TEX9: variants seen among roughly 807,000 people sequenced by gnomAD.
TEX9 encodes the protein testis-expressed protein 9.
In TEX9, 74 loss-of-function variants were observed where a neutral mutation model predicts 59.6. The ratio of observed to expected loss-of-function variants is 1.24; its 90% CI spans 1.03 to 1.51. The LOEUF (loss-of-function observed/expected upper bound fraction) is 1.51. Among genes scored for constraint, TEX9 ranks in the 40% most tolerant of loss-of-function variants. The pLI is 0.00. For missense variants in TEX9, 522 were observed against 447.8 expected (o/e 1.17, Z -1.49); for synonymous variants, 186 against 152.2 (o/e 1.22, Z -1.64).
At chr15:56,350,853 T>C (rs2046565055) in intron 1 of TEX9, among the ~76,000 whole-genome samples, 1 of 152,176 alleles carries the variant, frequency 6.6e-6, no homozygotes, top group Non-Finnish European at 1.5e-5. Flanking sequence ...AACTGAGAGG[T>C]AGCTGAAGCC....
chr15:56,414,163 A>C (rs2049546041), intron 10 of TEX9, among the ~76,000 whole-genome samples: 1 of 151,888 alleles, frequency 6.6e-6, no homozygotes. Flanking sequence ...ATATTGTATT[A>C]GTTCACATAT....
At chr15:56,276,427 T>C (rs2044670195) in intron 1 of TEX9, among the ~76,000 whole-genome samples, 1 of 152,128 alleles carries the variant, frequency 6.6e-6, no homozygotes, top group African/African-American at 2.4e-5. Flanking sequence ...GAACATGCAG[T>C]GTTTGGTTTT....
At chr15:56,320,666 G>C (rs2045881991) in intron 1 of TEX9, among the ~76,000 whole-genome samples, 1 of 152,204 alleles carries the variant, frequency 6.6e-6, no homozygotes, top group African/African-American at 2.4e-5. Flanking sequence ...TGGAGATAGG[G>C]AGAGTAATAT....
intron 9 of TEX9, among the ~76,000 whole-genome samples, chr15:56,409,287 A>G (rs1256001229): frequency 6.6e-6 from 1 of 152,172 alleles, no homozygotes; most frequent in Non-Finnish European, 1.5e-5. Flanking sequence ...GTCACTCAGA[A>G]TAAAATCCAA....
intron 12 of TEX9, chr15:56,443,972 C>A (rs1235952637): frequency 6.3e-5 from 51 of 805,800 alleles, no homozygotes; most frequent in Non-Finnish European, 9.2e-5. Flanking sequence ...GTGCATGCAA[C>A]AAACATTTTG....
intron 2 of TEX9, among the ~76,000 whole-genome samples, chr15:56,372,932 A>C (rs1455642648): frequency 1.3e-5 from 2 of 152,120 alleles, no homozygotes; most frequent in African/African-American, 2.4e-5. Flanking sequence ...CTTGATATTA[A>C]AGTATGTATC....
chr15:56,255,566 A>T (rs1001444191), intron 1 of TEX9, among the ~76,000 whole-genome samples: 3 of 152,088 alleles, frequency 2.0e-5, no homozygotes, highest in Admixed American at 6.6e-5. Context: ...TCTAATAAGG[A>T]TAACAAATAT....
At chr15:56,432,087 T>C (rs142738754) in intron 12 of TEX9, among the ~76,000 whole-genome samples, 13 of 152,266 alleles carry the variant, frequency 8.5e-5, no homozygotes, top group African/African-American at 3.1e-4. Flanking sequence ...TCAAACCTAA[T>C]TCTATCTTAA....
upstream of TEX9, among the ~76,000 whole-genome samples, chr15:56,363,850 C>CT (rs202238176): frequency 0.18 from 24,716 of 139,372 alleles, 3,257 homozygotes; most frequent in East Asian, 0.47. Context: ...TATCTATTTC[C>CT]TTTTTTTTTT....
intron 1 of TEX9, among the ~76,000 whole-genome samples, chr15:56,334,204 C>A (rs752101951): frequency 1.3e-5 from 2 of 152,082 alleles, no homozygotes; most frequent in Non-Finnish European, 2.9e-5. Context: ...ATGGCCAAAG[C>A]TATCCCAAGC....
chr15:56,283,086 A>G (rs1490117067), intron 1 of TEX9, among the ~76,000 whole-genome samples: 2 of 140,886 alleles, frequency 1.4e-5, no homozygotes, highest in African/African-American at 5.6e-5. Context: ...GTGTGTACAT[A>G]TACACATACA....
At chr15:56,262,241 C>T (rs568578173) in intron 1 of TEX9, among the ~76,000 whole-genome samples, 1 of 152,330 alleles carries the variant, frequency 6.6e-6, no homozygotes, top group South Asian at 2.1e-4. Flanking sequence ...CATTTTCACA[C>T]AACAGGCAAA....
At chr15:56,458,590 C>A in the TEX9 span, among the ~76,000 whole-genome samples, 1 of 151,876 alleles carries the variant, frequency 6.6e-6, no homozygotes, top group Admixed American at 6.6e-5. Context: ...CCCTAAAAAT[C>A]CTCTGTGATC....
At chr15:56,397,128 T>C (rs754685729) in intron 9 of TEX9, 2 of 163,220 alleles carry the variant, frequency 1.2e-5, no homozygotes, top group Non-Finnish European at 2.6e-5. Context: ...ATACTGATAA[T>C]GATATGGACA....
chr15:56,388,451 A>G lies in TEX9; in HGVS notation c.264-21A>G, dbSNP rs375456326. The G allele has an allele frequency of 5.3e-5, 84 of 1,584,458 alleles. No individual in the cohort carries two copies. In the African/African-American group the frequency reaches 1.0e-3, roughly 19 times the overall value. On this transcript the variant is annotated intron_variant, in intron 4 of 12. Transcript: ENST00000352903. ...CAGTGTCATCTATTATTAATGTATA[A>G]TGTTTATTTTTGGCCTGTAGAGGTC...
chr15:56,423,450 C>G (rs921093711), intron 10 of TEX9, among the ~76,000 whole-genome samples: 12 of 152,080 alleles, frequency 7.9e-5, no homozygotes, highest in Admixed American at 3.9e-4. Flanking sequence ...CTTTGTATGA[C>G]TTATAAAATG....
the TEX9 span, among the ~76,000 whole-genome samples, chr15:56,451,650 C>G: frequency 1.3e-5 from 2 of 152,142 alleles, no homozygotes; most frequent in Admixed American, 1.3e-4. Context: ...TGATTATAGA[C>G]AGTCTCTGAT....
chr15:56,359,231 A>G (rs2046746672), intron 1 of TEX9, among the ~76,000 whole-genome samples: 1 of 152,160 alleles, frequency 6.6e-6, no homozygotes, highest in Non-Finnish European at 1.5e-5. Context: ...TACCATGTCA[A>G]CCATATTTTA....
chr15:56,337,868 C>T (rs1238231540), intron 1 of TEX9, among the ~76,000 whole-genome samples: 1 of 152,106 alleles, frequency 6.6e-6, no homozygotes, highest in African/African-American at 2.4e-5. Flanking sequence ...TCTGTGTTTC[C>T]CAAGTGGCTG....
Sources: gnomAD v4.1 joint callset for allele counts (sites outside exome capture counted in the v4.1 genomes callset) on GRCh38, gnomAD v4.1.1 for gene constraint, MANE v1.5 for transcripts, NCBI Gene and HGNC (gene_info 2026-07-23, HGNC 2026-07-21) for gene names.